TCF4: variants seen among roughly 807,000 people sequenced by gnomAD.
TCF4 encodes transcription factor 4.
A neutral mutation model predicts 82.1 loss-of-function variants in TCF4; 3 were observed. The ratio of observed to expected loss-of-function variants is 0.04; its 90% CI spans 0.02 to 0.09. The LOEUF (loss-of-function observed/expected upper bound fraction) is 0.09. Among genes scored for constraint, TCF4 ranks in the 10% least tolerant of loss-of-function variants. The pLI, the probability that TCF4 is intolerant of heterozygous loss-of-function variation, is 1.00. For synonymous variants in TCF4, 276 were observed against 309.6 expected (o/e 0.89, Z 1.14); for missense variants, 518 against 852.7 (o/e 0.61, Z 4.89).
chr18:55,258,300 C>G (rs1160761053), intron 13 of TCF4, among the ~76,000 whole-genome samples: 1 of 152,162 alleles, frequency 6.6e-6, no homozygotes, highest in East Asian at 1.9e-4. Context: ...TTTGCATCTT[C>G]ATAAAAGTTC....
At chr18:55,629,807 A>G (rs1037654128) in intron 2 of TCF4, among the ~76,000 whole-genome samples, 5 of 152,358 alleles carry the variant, frequency 3.3e-5, no homozygotes, top group East Asian at 3.9e-4. Context: ...ACCATGCACA[A>G]TTGAAATGTA....
intron 4 of TCF4, among the ~76,000 whole-genome samples, chr18:55,462,051 G>T (rs1033539367): frequency 2.0e-5 from 3 of 152,130 alleles, no homozygotes; most frequent in Admixed American, 1.3e-4. Flanking sequence ...CAGAGGTATC[G>T]GTTGCATGTG....
intron 8 of TCF4, among the ~76,000 whole-genome samples, chr18:55,283,823 T>A (rs2063117775): frequency 6.6e-6 from 1 of 152,212 alleles, no homozygotes; most frequent in Admixed American, 6.5e-5. Context: ...CACAGATTAA[T>A]CATACAAAAA....
chr18:55,425,996 A>C (rs2094962521), intron 5 of TCF4, among the ~76,000 whole-genome samples: 1 of 152,028 alleles, frequency 6.6e-6, no homozygotes, highest in South Asian at 2.1e-4. Flanking sequence ...CCACATCAAG[A>C]CTACGCAGAA....
chr18:55,233,059 T>A (rs768486988), intron 16 of TCF4, among the ~76,000 whole-genome samples: 2 of 152,362 alleles, frequency 1.3e-5, no homozygotes, highest in Non-Finnish European at 2.9e-5. Flanking sequence ...CCTTAAAATA[T>A]AATTCCCAGG....
At chr18:55,348,208 T>C (rs534397171) in intron 8 of TCF4, among the ~76,000 whole-genome samples, 5 of 152,292 alleles carry the variant, frequency 3.3e-5, no homozygotes, top group East Asian at 3.9e-4. Flanking sequence ...TAAATTGCTA[T>C]GAAAATAGAG....
chr18:55,603,589 TTAA>T (rs1297118409), intron 2 of TCF4, among the ~76,000 whole-genome samples: 1 of 152,138 alleles, frequency 6.6e-6, no homozygotes, highest in Non-Finnish European at 1.5e-5. Flanking sequence ...GTTAAAATAG[TTAA>T]TAACAGGTGG....
chr18:55,302,431 G>A (rs182590691), intron 8 of TCF4: 37 of 1,536,316 alleles, frequency 2.4e-5, no homozygotes, highest in East Asian at 1.2e-4. Flanking sequence ...CTTTCCCTTC[G>A]TGGTCCAGGC....
intron 2 of TCF4, among the ~76,000 whole-genome samples, chr18:55,598,089 A>C (rs1289160848): frequency 6.6e-6 from 1 of 152,240 alleles, no homozygotes; most frequent in African/African-American, 2.4e-5. Flanking sequence ...CTATATAGAG[A>C]GTTATCAAGT....
upstream of TCF4, chr18:55,588,417 C>T: frequency 6.5e-7 from 1 of 1,533,912 alleles, no homozygotes; most frequent in Non-Finnish European, 8.7e-7. Context: ...AAAAAAAAAT[C>T]TCAACACCTC....
intron 3 of TCF4, chr18:55,510,625 A>G (rs761635506): frequency 2.6e-6 from 4 of 1,515,798 alleles, no homozygotes; most frequent in Non-Finnish European, 3.5e-6. Context: ...AATTCCCCCA[A>G]TATATCTGGT....
At chr18:55,401,965 G>A (rs1003021555) in intron 6 of TCF4, 6 of 935,466 alleles carry the variant, frequency 6.4e-6, no homozygotes, top group Non-Finnish European at 7.7e-6. Flanking sequence ...CAGGAACACG[G>A]TCTTCTGCAG....
Position 55,309,073 on chromosome 18 carries a change from C to A in TCF4, c.550-29417G>T, listed in dbSNP as rs2071345618. Among the ~76,000 whole-genome samples the A allele has an allele frequency of 1.3e-5, 2 of 151,962 alleles. 1 individual carries two copies. The highest frequency in any genetic ancestry group is 4.1e-4 in the South Asian group (2 of 4,820). ...GATCTTTTTAAAGTTTTATTTAATTCTCATTGACTGACATCATTTATTTAT... is the reference window on the plus strand; with the variant it reads ...GATCTTTTTAAAGTTTTATTTAATTATCATTGACTGACATCATTTATTTAT... On this transcript the variant is annotated intron_variant, in intron 8 of 19. Coordinates refer to ENST00000354452, the MANE Select transcript of TCF4 (RefSeq NM_001083962.2).
chr18:55,523,582 C>G (rs974369454), intron 3 of TCF4, among the ~76,000 whole-genome samples: 2 of 151,898 alleles, frequency 1.3e-5, no homozygotes, highest in Non-Finnish European at 2.9e-5. Flanking sequence ...TGTTACAGTA[C>G]TTAACTAATA....
intron 15 of TCF4, among the ~76,000 whole-genome samples, chr18:55,251,314 C>A (rs2055014632): frequency 1.5e-5 from 2 of 136,932 alleles, no homozygotes; most frequent in South Asian, 4.6e-4. Context: ...ATGAGCCATG[C>A]CGCTGTGAAA....
chr18:55,492,863 G>A (rs1487855644), intron 3 of TCF4, among the ~76,000 whole-genome samples: 1 of 152,116 alleles, frequency 6.6e-6, no homozygotes, highest in South Asian at 2.1e-4. Flanking sequence ...CATTGTCAAG[G>A]CTCTGCTCTA....
intron 3 of TCF4, among the ~76,000 whole-genome samples, chr18:55,480,302 GGGGC>G (rs1262100063): frequency 4.4e-5 from 6 of 137,640 alleles, no homozygotes; most frequent in African/African-American, 1.3e-4. Context: ...AAAAAGCGGG[GGGGC>G]GGGGGGAGGA....
chr18:55,258,511 T>C (rs2057373636), intron 13 of TCF4, among the ~76,000 whole-genome samples: 1 of 152,158 alleles, frequency 6.6e-6, no homozygotes, highest in Admixed American at 6.6e-5. Flanking sequence ...GAGCACCAGA[T>C]TTTTGTCCAA....
chr18:55,366,783 T>A (rs1181037660), intron 6 of TCF4, among the ~76,000 whole-genome samples: 1 of 152,224 alleles, frequency 6.6e-6, no homozygotes, highest in African/African-American at 2.4e-5. Flanking sequence ...TTGTTTGCCA[T>A]AGGGTCATTT....
Sources: allele counts gnomAD v4.1 joint callset (sites outside exome capture counted in the v4.1 genomes callset), GRCh38; gene constraint gnomAD v4.1.1; transcripts MANE v1.5; gene names NCBI Gene and HGNC (gene_info 2026-07-23, HGNC 2026-07-21).